Variants in ZSWIM5 observed in about 807,000 individuals in gnomAD.
ZSWIM5 encodes the protein zinc finger SWIM-type containing 5.
In ZSWIM5, 55 loss-of-function variants were observed where a neutral mutation model predicts 119.6. That is an observed-to-expected ratio of 0.46 (90% CI 0.37 to 0.58). The LOEUF (loss-of-function observed/expected upper bound fraction) is 0.58, where lower values mean the gene tolerates loss of function less well. Among genes scored for constraint, ZSWIM5 ranks in the 20% least tolerant of loss-of-function variants. The pLI is 0.00. For missense variants in ZSWIM5, 1,193 were observed against 1,512.8 expected (o/e 0.79, Z 3.51); for synonymous variants, 537 against 606.9 (o/e 0.88, Z 1.69).
chr1:45,046,742 G>A (rs1163488440), intron 5 of ZSWIM5, among the ~76,000 whole-genome samples: 1 of 151,624 alleles, frequency 6.6e-6, no homozygotes. Flanking sequence ...AAGAGAGGTG[G>A]TAGCCAGGCG....
At chr1:45,122,542 G>A (rs1191070731) in intron 1 of ZSWIM5, among the ~76,000 whole-genome samples, 1 of 152,142 alleles carries the variant, frequency 6.6e-6, no homozygotes, top group Non-Finnish European at 1.5e-5. Flanking sequence ...AAGGTGGAGG[G>A]CAGAAGGCAG....
At chr1:45,047,880 C>T (rs6688318) in intron 5 of ZSWIM5, among the ~76,000 whole-genome samples, 126,005 of 151,920 alleles carry the variant, frequency 0.83, 52,400 homozygotes, top group South Asian at 0.93. Flanking sequence ...AGAGGAAGTA[C>T]AGAAAATTTT....
chr1:45,133,713 AGGTTTTCTTCTAGGGTTTTTAT>A (rs1405263125), intron 1 of ZSWIM5, among the ~76,000 whole-genome samples: 1 of 152,102 alleles, frequency 6.6e-6, no homozygotes, highest in African/African-American at 2.4e-5. Context: ...GGTATTGCCT[AGGTTTTCTTCTAGGGTTTTTAT>A]GGTTTTGGGT....
chr1:45,172,544 T>C (rs1645952607), intron 1 of ZSWIM5, among the ~76,000 whole-genome samples: 1 of 152,160 alleles, frequency 6.6e-6, no homozygotes, highest in Non-Finnish European at 1.5e-5. Context: ...CTGTTGTAAT[T>C]GGTAGTTCTG....
intron 1 of ZSWIM5, among the ~76,000 whole-genome samples, chr1:45,132,746 A>C (rs1645665662): frequency 6.6e-6 from 1 of 152,032 alleles, no homozygotes; most frequent in Non-Finnish European, 1.5e-5. Flanking sequence ...ATATCTCCTA[A>C]TGCTATCCCT....
chr1:45,177,914 T>C (rs1645990717), intron 1 of ZSWIM5, among the ~76,000 whole-genome samples: 1 of 151,898 alleles, frequency 6.6e-6, no homozygotes, highest in Non-Finnish European at 1.5e-5. Flanking sequence ...TCTATTTGAG[T>C]AATAAATTCA....
chr1:45,069,282 C>T lies in ZSWIM5; in HGVS notation c.953-9035G>A, dbSNP rs372958506. 9.3e-5 allele frequency among the ~76,000 whole-genome samples: 14 copies of T among 150,798 alleles called. No homozygotes were observed. The East Asian group carries it at 2.6e-3, about 28-fold the overall frequency. On this transcript the variant is annotated intron_variant, in intron 2 of 13. Coordinates refer to ENST00000359600, the MANE Select transcript of ZSWIM5 (RefSeq NM_020883.2). ...TCTACTAAAAATACAAAAAATTAGC[C>T]GGGCGTGGTGGTGGGCGCCTGGAGT...
At chr1:45,037,315 T>C (rs1444350944) in intron 8 of ZSWIM5, among the ~76,000 whole-genome samples, 1 of 152,094 alleles carries the variant, frequency 6.6e-6, no homozygotes, top group African/African-American at 2.4e-5. Context: ...TTCACCATGT[T>C]GGCCAGGCTG....
chr1:45,108,784 C>T (rs1161838568), intron 1 of ZSWIM5, among the ~76,000 whole-genome samples: 1 of 152,086 alleles, frequency 6.6e-6, no homozygotes, highest in Non-Finnish European at 1.5e-5. Context: ...CAAGCAGAGT[C>T]AAACCTCAAA....
chr1:45,181,626 TTG>T, intron 1 of ZSWIM5, among the ~76,000 whole-genome samples: 1 of 152,030 alleles, frequency 6.6e-6, no homozygotes, highest in East Asian at 1.9e-4. Flanking sequence ...AGACACATAA[TTG>T]TCAGATTCAC....
chr1:45,168,492 TA>T (rs1265347829), intron 1 of ZSWIM5, among the ~76,000 whole-genome samples: 64 of 150,474 alleles, frequency 4.3e-4, no homozygotes, highest in African/African-American at 1.3e-3. Flanking sequence ...AATATATATA[TA>T]TTTTTTTTAA....
At chr1:45,046,917 G>T (rs1233923061) in intron 5 of ZSWIM5, among the ~76,000 whole-genome samples, 1 of 150,854 alleles carries the variant, frequency 6.6e-6, no homozygotes, top group East Asian at 1.9e-4. Context: ...CCAGCTACTC[G>T]GGAGGCTGAG....
Position 45,142,997 on chromosome 1 carries a change from C to G in ZSWIM5, c.596-54760G>C, listed in dbSNP as rs1174589672. Among the ~76,000 whole-genome samples the G allele has an allele frequency of 2.0e-5, 3 of 149,166 alleles. No homozygotes were observed. The East Asian group carries it at 5.9e-4, about 29-fold the overall frequency. On this transcript the variant is annotated intron_variant, in intron 1 of 13. Coordinates refer to ENST00000359600, the MANE Select transcript of ZSWIM5 (RefSeq NM_020883.2). Reference sequence around the variant, plus strand: ...ACTAGCCTGGGCAACATGGTGAAACCCTGTCTCTACCAAAAAAAAAAAAAA... The same window carrying G: ...ACTAGCCTGGGCAACATGGTGAAACGCTGTCTCTACCAAAAAAAAAAAAAA...
intron 1 of ZSWIM5, among the ~76,000 whole-genome samples, chr1:45,090,046 A>C (rs1252690326): frequency 6.6e-6 from 1 of 152,248 alleles, no homozygotes; most frequent in Non-Finnish European, 1.5e-5. Context: ...AGGTACATAT[A>C]TAAGTTTCAG....
Position 45,173,245 on chromosome 1 carries a change from C to T in ZSWIM5, c.595+32511G>A, listed in dbSNP as rs564715358. On this transcript the variant is annotated intron_variant, in intron 1 of 13. Transcript: ENST00000359600. ...CTTTTGCATGAATACATAATAGGTC[C>T]ACAACATATGAACTGAATATATTAG... is the stretch of plus-strand genomic sequence containing the variant. Among the ~76,000 whole-genome samples the T allele has an allele frequency of 5.3e-5, 8 of 152,140 alleles. No homozygotes were observed. In the East Asian group the frequency reaches 1.5e-3, roughly 29 times the overall value.
At chr1:45,132,210 C>T (rs968086192) in intron 1 of ZSWIM5, among the ~76,000 whole-genome samples, 25 of 151,494 alleles carry the variant, frequency 1.7e-4, no homozygotes, top group Non-Finnish European at 2.9e-4. Flanking sequence ...ATTTATACAA[C>T]AAAAAATAAG....
At chr1:45,073,788 A>G (rs1275509614) in intron 2 of ZSWIM5, among the ~76,000 whole-genome samples, 1 of 151,856 alleles carries the variant, frequency 6.6e-6, no homozygotes, top group Non-Finnish European at 1.5e-5. Context: ...CAGTGGTAAC[A>G]TGGGGCATCC....
At chr1:45,046,632 A>ATGTGTGTG (rs1491125778) in intron 5 of ZSWIM5, among the ~76,000 whole-genome samples, 1 of 92,524 alleles carries the variant, frequency 1.1e-5, no homozygotes, top group African/African-American at 5.3e-5. Context: ...TCTGGGCAAG[A>ATGTGTGTG]TATGTGTGTG....
intron 11 of ZSWIM5, among the ~76,000 whole-genome samples, chr1:45,030,817 G>C (rs1242021889): frequency 9.6e-6 from 1 of 103,846 alleles, no homozygotes; most frequent in Admixed American, 1.2e-4. Flanking sequence ...TTTTTTTTGA[G>C]ATAGAGTCTT....
Sources: allele counts gnomAD v4.1 joint callset (sites outside exome capture counted in the v4.1 genomes callset), GRCh38; gene constraint gnomAD v4.1.1; transcripts MANE v1.5; gene names NCBI Gene and HGNC (gene_info 2026-07-23, HGNC 2026-07-21).